Variants in EYS observed in about 807,000 individuals in gnomAD.
EYS encodes EGF-like photoreceptor maintenance factor.
In EYS, 250 loss-of-function variants were observed where a neutral mutation model predicts 282.1. The ratio of observed to expected loss-of-function variants is 0.89; its 90% CI spans 0.80 to 0.98. EYS has a LOEUF of 0.98. Among genes scored for constraint, EYS ranks in the 50% least tolerant of loss-of-function variants. The pLI, the probability that EYS is intolerant of heterozygous loss-of-function variation, is 0.00. For synonymous variants in EYS, 1,355 were observed against 1,282.9 expected (o/e 1.06, Z -1.20); for missense variants, 4,016 against 3,709.0 (o/e 1.08, Z -2.15).
chr6:65,306,343 T>C (rs1769003653), intron 11 of EYS, among the ~76,000 whole-genome samples: 1 of 152,154 alleles, frequency 6.6e-6, no homozygotes, highest in African/African-American at 2.4e-5. Context: ...GGGATGATTC[T>C]GCACAAGCAA....
intron 2 of EYS, among the ~76,000 whole-genome samples, chr6:65,621,896 T>C (rs1033978207): frequency 2.6e-5 from 4 of 152,188 alleles, no homozygotes; most frequent in African/African-American, 9.7e-5. Context: ...AGAAGTTAAG[T>C]GAGTTAATTA....
intron 26 of EYS, among the ~76,000 whole-genome samples, chr6:64,451,958 A>G (rs893645558): frequency 6.6e-6 from 1 of 152,234 alleles, no homozygotes; most frequent in Non-Finnish European, 1.5e-5. Flanking sequence ...CAAGACAGGG[A>G]TGCCCTCTCT....
intron 22 of EYS, among the ~76,000 whole-genome samples, chr6:64,635,243 C>T (rs150254746): frequency 0.027 from 4,082 of 152,126 alleles, 200 homozygotes; most frequent in African/African-American, 0.093. Flanking sequence ...TGGGGTTTTC[C>T]AGATACACAA....
intron 36 of EYS, among the ~76,000 whole-genome samples, chr6:63,828,530 A>G (rs949449025): frequency 2.0e-5 from 3 of 152,208 alleles, no homozygotes; most frequent in African/African-American, 7.2e-5. Flanking sequence ...ACCTGAAGAG[A>G]ACAATAACAA....
At chr6:64,407,012 C>T (rs1303889066) in intron 28 of EYS, among the ~76,000 whole-genome samples, 1 of 152,126 alleles carries the variant, frequency 6.6e-6, no homozygotes, top group African/African-American at 2.4e-5. Flanking sequence ...ATGTTCATTG[C>T]AGAACTGTTC....
chr6:63,874,910 T>C (rs548978134), intron 35 of EYS, among the ~76,000 whole-genome samples: 28 of 152,340 alleles, frequency 1.8e-4, no homozygotes, highest in African/African-American at 6.7e-4. Context: ...AATCATGTCA[T>C]CTGCAAACGG....
intron 5 of EYS, among the ~76,000 whole-genome samples, chr6:65,424,799 CA>C (rs1204628785): frequency 2.6e-5 from 4 of 151,962 alleles, no homozygotes; most frequent in Non-Finnish European, 5.9e-5. Flanking sequence ...AGTATGCCTT[CA>C]ATAACCCTCA....
intron 11 of EYS, among the ~76,000 whole-genome samples, chr6:65,301,182 C>CT (rs1768811308): frequency 6.6e-6 from 1 of 151,404 alleles, no homozygotes; most frequent in South Asian, 2.1e-4. Flanking sequence ...ATGTTAGACA[C>CT]TGTAAATATT....
intron 29 of EYS, among the ~76,000 whole-genome samples, chr6:64,376,227 C>T (rs949534033): frequency 1.4e-4 from 22 of 152,092 alleles, no homozygotes; most frequent in Non-Finnish European, 1.5e-5. Context: ...TTAACTCAGA[C>T]TTAATTGTCA....
intron 36 of EYS, chr6:63,821,177 T>G (rs1399804390): frequency 1.3e-5 from 2 of 151,662 alleles, no homozygotes; most frequent in African/African-American, 2.4e-5. Flanking sequence ...TCAAAGTGTT[T>G]TGTAGGTTTT....
chr6:64,297,691 G>T (rs896574234), intron 30 of EYS, among the ~76,000 whole-genome samples: 1 of 152,054 alleles, frequency 6.6e-6, no homozygotes, highest in Non-Finnish European at 1.5e-5. Flanking sequence ...TCAGAAGTTA[G>T]ATAGAGCTGG....
chr6:63,745,338 G>C (rs1318941925), intron 41 of EYS, among the ~76,000 whole-genome samples: 2 of 152,228 alleles, frequency 1.3e-5, no homozygotes, highest in Non-Finnish European at 2.9e-5. Flanking sequence ...CGAGGGCAGA[G>C]ATTGGAGTGA....
intron 12 of EYS, among the ~76,000 whole-genome samples, chr6:65,241,096 T>G (rs779787580): frequency 2.6e-5 from 4 of 152,250 alleles, no homozygotes; most frequent in African/African-American, 4.8e-5. Flanking sequence ...AAATGACTGG[T>G]TTTGTTAAAT....
intron 13 of EYS, among the ~76,000 whole-genome samples, chr6:65,025,470 T>A (rs1442972434): frequency 7.9e-5 from 12 of 152,228 alleles, no homozygotes; most frequent in Admixed American, 7.9e-4. Flanking sequence ...TTAATTTGCA[T>A]TTATGCATTT....
At chr6:64,196,353 T>A (rs918914296) in intron 31 of EYS, among the ~76,000 whole-genome samples, 2,406 of 152,210 alleles carry the variant, frequency 0.016, 22 homozygotes, top group South Asian at 0.034. Flanking sequence ...TCAGGGATCT[T>A]GAACTAGAAA....
At chr6:64,104,354 G>C (rs62415303) in intron 31 of EYS, among the ~76,000 whole-genome samples, 3 of 152,056 alleles carry the variant, frequency 2.0e-5, no homozygotes, top group Non-Finnish European at 4.4e-5. Flanking sequence ...GTAGGAAGGA[G>C]AGAGAGAGTG....
At chr6:64,596,449 T>C (rs1766590397) in intron 24 of EYS, among the ~76,000 whole-genome samples, 1 of 152,162 alleles carries the variant, frequency 6.6e-6, no homozygotes. Context: ...CATCATACTC[T>C]CTGACTTTAA....
intron 35 of EYS, among the ~76,000 whole-genome samples, chr6:63,880,487 G>GTATCTATCTATCTACC: frequency 1.4e-5 from 2 of 142,880 alleles, no homozygotes; most frequent in South Asian, 4.7e-4. Context: ...CTGTCTGTCT[G>GTATCTATCTATCTACC]TATCTATCTA....
intron 26 of EYS, among the ~76,000 whole-genome samples, chr6:64,535,514 G>T (rs1352662810): frequency 6.6e-6 from 1 of 151,708 alleles, no homozygotes; most frequent in Non-Finnish European, 1.5e-5. Flanking sequence ...GAAGCAGGAG[G>T]ACTGCTTGAG....
Sources: allele counts gnomAD v4.1 joint callset (sites outside exome capture counted in the v4.1 genomes callset), GRCh38; gene constraint gnomAD v4.1.1; transcripts MANE v1.5; gene names NCBI Gene and HGNC (gene_info 2026-07-23, HGNC 2026-07-21).